DYRK1A: variants seen among roughly 807,000 people sequenced by gnomAD.
The protein encoded by DYRK1A is dual specificity tyrosine phosphorylation regulated kinase 1A, also known as dual specificity tyrosine-phosphorylation-regulated kinase 1A.
In DYRK1A, 9 loss-of-function variants were observed where a neutral mutation model predicts 79.7. That is an observed-to-expected ratio of 0.11 (90% confidence interval 0.07 to 0.20). The LOEUF is 0.20. Among genes scored for constraint, DYRK1A ranks in the 10% least tolerant of loss-of-function variants. DYRK1A has a pLI of 1.00. For synonymous variants in DYRK1A, 349 were observed against 329.7 expected (o/e 1.06, Z -0.63); for missense variants, 622 against 956.0 (o/e 0.65, Z 4.61).
intron 2 of DYRK1A, among the ~76,000 whole-genome samples, chr21:37,447,186 C>T (rs909115769): frequency 6.6e-6 from 1 of 152,124 alleles, no homozygotes; most frequent in Admixed American, 6.5e-5. Flanking sequence ...AGTGTTTTCT[C>T]TGAGGGCCTT....
In DYRK1A at chr21:37,493,040, C is replaced by T. The variant is rs775374977; in HGVS notation, c.948C>T (p.Arg316=). 1.2e-6 allele frequency: 2 copies of T among 1,606,950 alleles called. No homozygotes were observed. Among genetic ancestry groups the T allele is most frequent in the South Asian group, 2.2e-5 (2 of 90,868 alleles). The change falls in exon 8 of 12, where the codon CGC becomes CGT. Residue 316 remains arginine, a synonymous_variant. Transcript: ENST00000647188. ...AGATATACCAGTATATTCAGAGTCG[C>T]TTTTATCGGTCTCCAGAGGTGCTAC... ...GQRIYQYIQS[R]FYRSPEVLLG... is the part of the protein sequence containing the mutation.
At chr21:37,371,954 C>CAA in intron 1 of DYRK1A, among the ~76,000 whole-genome samples, 1 of 152,142 alleles carries the variant, frequency 6.6e-6, no homozygotes, top group South Asian at 2.1e-4. Context: ...AAAGCTTTCA[C>CAA]AAAAAGCTTT....
intron 8 of DYRK1A, among the ~76,000 whole-genome samples, chr21:37,495,588 C>A (rs532293121): frequency 6.6e-6 from 1 of 151,886 alleles, no homozygotes; most frequent in Non-Finnish European, 1.5e-5. Context: ...GCCGAGATTG[C>A]GCCACCGCAC....
chr21:37,489,547 C>T (rs2053002767), intron 6 of DYRK1A, among the ~76,000 whole-genome samples: 1 of 151,868 alleles, frequency 6.6e-6, no homozygotes, highest in South Asian at 2.1e-4. Context: ...AGAGTTGTCA[C>T]TTACCAATTT....
rs531814581 is a variant in DYRK1A at position 37,512,597 on chromosome 21, A to G, written c.*66A>G. On this transcript the variant is annotated 3_prime_UTR_variant, in exon 12 of 12. Transcript: ENST00000647188. ...GAAGTGGTGTTTTTTTTCCAAAAACAAAGTGCAAAGCTGCTTGAATCAGGA... is the reference window on the plus strand; with the variant it reads ...GAAGTGGTGTTTTTTTTCCAAAAACGAAGTGCAAAGCTGCTTGAATCAGGA... 40 of 1,559,266 alleles carry G rather than the reference A, an allele frequency of 2.6e-5. No homozygotes were observed. In the African/African-American group the frequency reaches 4.1e-4, roughly 16 times the overall value.
At chr21:37,428,397 G>A (rs1353281673) in intron 2 of DYRK1A, among the ~76,000 whole-genome samples, 3 of 152,180 alleles carry the variant, frequency 2.0e-5, no homozygotes, top group Admixed American at 2.0e-4. Flanking sequence ...GACCTTTTAT[G>A]TAGTGTAATA....
chr21:37,478,192 T>TA lies in DYRK1A; in HGVS notation c.208-15dup, dbSNP rs1206347244. 1 of 1,614,052 alleles carries TA rather than the reference T, an allele frequency of 6.2e-7. No individual in the cohort carries two copies. Among genetic ancestry groups the TA allele is most frequent in the Non-Finnish European group, 8.5e-7 (1 of 1,179,974 alleles). On this transcript the variant is annotated splice_polypyrimidine_tract_variant and intron_variant, in intron 3 of 11. Coordinates refer to ENST00000647188, the MANE Select transcript of DYRK1A (RefSeq NM_001347721.2). ...TCTGTCTATTTAAGGTGATGCCTGA[T>TA]ATTGTCATGTTACAGAGGCGGATGC... is the stretch of plus-strand genomic sequence containing the variant.
intron 1 of DYRK1A, among the ~76,000 whole-genome samples, chr21:37,372,939 A>G (rs1023625598): frequency 6.6e-6 from 1 of 152,144 alleles, no homozygotes; most frequent in Non-Finnish European, 1.5e-5. Flanking sequence ...ATGTTCTTAT[A>G]TATAATTGTT....
Position 37,480,670 on chromosome 21 carries a change from A to T in DYRK1A, c.333A>T (p.Gln111His). 6.2e-7 allele frequency: 1 copy of T among 1,600,180 alleles called. No homozygotes were observed. The highest frequency in any genetic ancestry group is 8.5e-7 in the Non-Finnish European group (1 of 1,175,660). ...ATGCAAAAAAGAAGCGAAGACACCA[A>T]CAGGGCCAGGGAGACGATTCTAGTC... is the stretch of plus-strand genomic sequence containing the variant. ...VYYAKKKRRH[Q>H]QGQGDDSSHK... The change falls in exon 5 of 12, where the codon CAA becomes CAT. Residue 111 changes from glutamine to histidine, a missense_variant. Physicochemically the swap from Gln to His is conservative, Grantham distance 24. Transcript: ENST00000647188.
At chr21:37,504,652 A>G (rs1482422755) in intron 9 of DYRK1A, 2 of 152,234 alleles carry the variant, frequency 1.3e-5, no homozygotes, top group African/African-American at 4.8e-5. Flanking sequence ...AGTTTTCAGG[A>G]AATCTCAACA....
intron 2 of DYRK1A, among the ~76,000 whole-genome samples, chr21:37,458,969 G>A (rs181590231): frequency 7.0e-4 from 106 of 152,326 alleles, no homozygotes; most frequent in African/African-American, 2.2e-3. Context: ...TGTGCTTGCC[G>A]TGTGACATTA....
intron 11 of DYRK1A, among the ~76,000 whole-genome samples, chr21:37,508,214 C>T (rs1248615538): frequency 6.6e-6 from 1 of 152,196 alleles, no homozygotes; most frequent in African/African-American, 2.4e-5. Context: ...ATTCCATTCA[C>T]CTGTCAGCAC....
chr21:37,485,085 G>A (rs762095221), intron 5 of DYRK1A, among the ~76,000 whole-genome samples: 1 of 152,154 alleles, frequency 6.6e-6, no homozygotes, highest in Non-Finnish European at 1.5e-5. Context: ...AAAAATTACT[G>A]ATGTCTGGGC....
chr21:37,481,044 A>G, intron 5 of DYRK1A: 1 of 449,574 alleles, frequency 2.2e-6, no homozygotes. Flanking sequence ...ATGGCTACCA[A>G]GTGCTCATTT....
In DYRK1A at chr21:37,512,469, G is replaced by C; in HGVS notation, c.2203G>C (p.Asp735His). Residue 735 changes from aspartate (D) to histidine (H), a missense_variant, in exon 12 of 12, where the codon GAT (aspartate) becomes CAT (histidine). Coordinates refer to ENST00000647188, the MANE Select transcript of DYRK1A (RefSeq NM_001347721.2). ...EGHLTMRQGA[D>H]REESPMTGVC... is the part of the protein sequence containing the mutation. ...ACATCTGACAATGAGGCAAGGGGCT[G>C]ATAGAGAAGAGTCCCCCATGACAGG... 1 of 1,614,258 alleles carries C rather than the reference G, an allele frequency of 6.2e-7. No homozygotes were observed.
chr21:37,404,227 A>G (rs946892299), intron 1 of DYRK1A, among the ~76,000 whole-genome samples: 1 of 152,238 alleles, frequency 6.6e-6, no homozygotes, highest in Admixed American at 6.5e-5. Flanking sequence ...CTGAGCAGTC[A>G]TAAGATGCAC....
chr21:37,445,598 A>G (rs530309517), intron 2 of DYRK1A, among the ~76,000 whole-genome samples: 3 of 152,166 alleles, frequency 2.0e-5, no homozygotes, highest in East Asian at 1.9e-4. Context: ...CTTTTTTTCT[A>G]TTTCATTTGG....
chr21:37,389,540 GT>G (rs1333411923), intron 1 of DYRK1A, among the ~76,000 whole-genome samples: 1 of 152,026 alleles, frequency 6.6e-6, no homozygotes, highest in East Asian at 1.9e-4. Context: ...TTTGTTTTTT[GT>G]TTTCCATCAT....
At chr21:37,428,756 CTA>C (rs2050694978) in intron 2 of DYRK1A, 1 of 152,020 alleles carries the variant, frequency 6.6e-6, no homozygotes, top group Non-Finnish European at 1.5e-5. Flanking sequence ...GATAGGAAAA[CTA>C]AAACTATTTG....
Sources: allele counts gnomAD v4.1 joint callset (sites outside exome capture counted in the v4.1 genomes callset), GRCh38; gene constraint gnomAD v4.1.1; transcripts MANE v1.5; gene names NCBI Gene and HGNC (gene_info 2026-07-23, HGNC 2026-07-21).